WDR48: variants seen among roughly 807,000 people sequenced by gnomAD.
WDR48 encodes the protein WD repeat-containing protein 48.
A neutral mutation model predicts 94.0 loss-of-function variants in WDR48; 22 were observed. That is an observed-to-expected ratio of 0.23 (90% confidence interval 0.17 to 0.33). WDR48 has a LOEUF of 0.33. WDR48 is among the 10% of genes least tolerant of loss of function. WDR48 has a pLI of 1.00. For missense variants in WDR48, 541 were observed against 813.8 expected (o/e 0.66, Z 4.08); for synonymous variants, 278 against 280.5 (o/e 0.99, Z 0.09).
intron 14 of WDR48, chr3:39,087,868 TG>T (rs1437663687): frequency 1.1e-5 from 4 of 379,870 alleles, no homozygotes; most frequent in African/African-American, 8.2e-5. Flanking sequence ...GTTATGTTTT[TG>T]TTCTGAATCT....
chr3:39,093,794 T>G (rs1197968982), intron 17 of WDR48, 80 bp from the exon 18 acceptor site: 6 of 1,322,614 alleles, frequency 4.5e-6, no homozygotes, highest in Non-Finnish European at 4.9e-6. Flanking sequence ...TTAAAATGTT[T>G]GCATCAAAGA....
At chr3:39,053,994 A>G (rs933053698) in intron 1 of WDR48, among the ~76,000 whole-genome samples, 1 of 152,198 alleles carries the variant, frequency 6.6e-6, no homozygotes, top group Non-Finnish European at 1.5e-5. Context: ...ATTATTTCCT[A>G]TGAAGAACTT....
At chr3:39,070,750 G>T (rs553029650) in intron 7 of WDR48, among the ~76,000 whole-genome samples, 2 of 146,352 alleles carry the variant, frequency 1.4e-5, no homozygotes, top group East Asian at 2.0e-4. Context: ...GTGCAGGTTA[G>T]TTACATATGT....
rs181377322 is a variant in WDR48 at position 39,053,241 on chromosome 3, C to G, written c.48+1168C>G. Among the ~76,000 whole-genome samples the G allele has an allele frequency of 1.2e-4, 18 of 152,296 alleles. No homozygotes were observed. The East Asian group carries it at 3.3e-3, about 28-fold the overall frequency. Reference sequence around the variant, plus strand: ...TAACACCTAGGCTTTCTTTATAAAACACAGCATTATATGGAGTTCTGCGGG... The same window carrying G: ...TAACACCTAGGCTTTCTTTATAAAAGACAGCATTATATGGAGTTCTGCGGG... On this transcript the variant is annotated intron_variant, in intron 1 of 18. Coordinates refer to ENST00000302313, the MANE Select transcript of WDR48 (RefSeq NM_020839.4).
At position 39,093,958 on chromosome 3, in the gene WDR48, G is replaced by A; in HGVS notation, c.1830G>A (p.Glu610=). The part of the protein sequence containing the change: ...VYEKIINLDN[E]SQTTSSSNNE... ...AAAAAATTATCAACTTGGATAATGAGTCTCAAACCACTAGCTCTTCTAATA... is the reference window on the plus strand; with the variant it reads ...AAAAAATTATCAACTTGGATAATGAATCTCAAACCACTAGCTCTTCTAATA... Residue 610 remains glutamate, a synonymous_variant, in exon 18 of 19, where the codon GAG becomes GAA. Transcript: ENST00000302313. 6.2e-7 allele frequency: 1 copy of A among 1,614,068 alleles called. No homozygotes were observed. The highest frequency in any genetic ancestry group is 1.1e-5 in the South Asian group (1 of 91,030).
rs766906798 is a variant in WDR48 at position 39,066,570 on chromosome 3, G to A, written c.291G>A (p.Thr97=). Reference sequence around the variant, plus strand: ...TAGTAATATCTGCTTCTTCTGACACGACAGTAAAAGTATGGAATGCACACA... The same window carrying A: ...TAGTAATATCTGCTTCTTCTGACACAACAGTAAAAGTATGGAATGCACACA... ...GKTLISASSD[T]TVKVWNAHKG... is the part of the protein sequence containing the mutation. The change falls in exon 4 of 19, where the codon ACG becomes ACA. Residue 97 remains threonine (T), a synonymous_variant. Transcript: ENST00000302313. The A allele has an allele frequency of 1.6e-5, 26 of 1,613,522 alleles. No homozygotes were observed. The highest frequency in any genetic ancestry group is 6.7e-5 in the Admixed American group (4 of 59,966).
At chr3:39,052,814 C>A (rs1175351060) in intron 1 of WDR48, among the ~76,000 whole-genome samples, 1 of 151,954 alleles carries the variant, frequency 6.6e-6, no homozygotes, top group East Asian at 1.9e-4. Context: ...CTTTTGTTTG[C>A]GGTTACGCTT....
At chr3:39,055,967 G>A (rs2032852974) in intron 1 of WDR48, among the ~76,000 whole-genome samples, 1 of 152,254 alleles carries the variant, frequency 6.6e-6, no homozygotes, top group Admixed American at 6.5e-5. Flanking sequence ...CAGGCAACAA[G>A]TGGGTGCCTA....
chr3:39,091,467 G>C, intron 16 of WDR48, 158 bp from the exon 17 acceptor site: 1 of 542,228 alleles, frequency 1.8e-6, no homozygotes, highest in Non-Finnish European at 3.2e-6. Context: ...TTTCTCGAAG[G>C]CTGACTTAGG....
chr3:39,055,689 C>A (rs2032832760), intron 1 of WDR48, among the ~76,000 whole-genome samples: 8 of 152,182 alleles, frequency 5.3e-5, no homozygotes, highest in Admixed American at 5.2e-4. Context: ...GTAGCATTTT[C>A]TCTGGTAACC....
At chr3:39,052,199 C>A in intron 1 of WDR48, 126 bp downstream of exon 1, 1 of 1,225,398 alleles carries the variant, frequency 8.2e-7, no homozygotes, top group South Asian at 1.4e-5. Context: ...CGGGGCGCGG[C>A]CGGCCACGAG....
chr3:39,054,131 A>G (rs774866462), intron 1 of WDR48, among the ~76,000 whole-genome samples: 3 of 152,208 alleles, frequency 2.0e-5, no homozygotes, highest in Non-Finnish European at 2.9e-5. Flanking sequence ...ATCATTGTCT[A>G]TGAGGTGTTT....
intron 5 of WDR48, 75 bp downstream of exon 5, chr3:39,066,950 T>C (rs2033644069): frequency 1.3e-6 from 2 of 1,529,970 alleles, no homozygotes; most frequent in Non-Finnish European, 1.8e-6. Context: ...TAAAACATTT[T>C]TGATAGGTTT....
chr3:39,071,925 G>T (rs1469134601), intron 7 of WDR48, among the ~76,000 whole-genome samples: 1 of 152,170 alleles, frequency 6.6e-6, no homozygotes, highest in South Asian at 2.1e-4. Context: ...GAAAAATGAG[G>T]TGAGGAAAAA....
In WDR48 at chr3:39,077,231, C is replaced by T. The variant is rs187563097; in HGVS notation, c.972+18C>T. On this transcript the variant is annotated intron_variant, in intron 9 of 18. Transcript: ENST00000302313. ...ATAAATGGGTAAGTGAGCTATTAAC[C>T]TGGCAAAGGTTTATAAACATGTATT... 8.1e-6 allele frequency: 13 copies of T among 1,613,766 alleles called. No homozygotes were observed. The East Asian group carries it at 2.9e-4, about 36-fold the overall frequency.
intron 10 of WDR48, 93 bp downstream of exon 10, chr3:39,078,332 A>C: frequency 2.3e-6 from 2 of 857,608 alleles, no homozygotes; most frequent in Non-Finnish European, 3.8e-6. Context: ...TTCTTTAAAT[A>C]TAATCCTGAT....
In WDR48 at chr3:39,065,182, G is replaced by C. The variant is rs559572748; in HGVS notation, c.190-629G>C. Among the ~76,000 whole-genome samples, 12 of 152,350 alleles carry C rather than the reference G, an allele frequency of 7.9e-5. No homozygotes were observed. The East Asian group carries it at 2.1e-3, about 27-fold the overall frequency. ...CTCTCCTGGTTATTAAGCCAGGTAAGAGAAGTAGAATCTCGAATCACCTAA... is the reference window on the plus strand; with the variant it reads ...CTCTCCTGGTTATTAAGCCAGGTAACAGAAGTAGAATCTCGAATCACCTAA... On this transcript the variant is annotated intron_variant, in intron 2 of 18. Transcript: ENST00000302313.
At chr3:39,083,741 T>C (rs1003332402) in intron 11 of WDR48, among the ~76,000 whole-genome samples, 1 of 152,136 alleles carries the variant, frequency 6.6e-6, no homozygotes, top group African/African-American at 2.4e-5. Context: ...TGTTGCTAAA[T>C]GACATAGGCC....
chr3:39,077,511 C>T (rs1182000585), intron 9 of WDR48, among the ~76,000 whole-genome samples: 1 of 152,214 alleles, frequency 6.6e-6, no homozygotes, highest in Admixed American at 6.5e-5. Flanking sequence ...CTTCTGACCT[C>T]ATGAAGCTAC....
Sources: allele counts gnomAD v4.1 joint callset (sites outside exome capture counted in the v4.1 genomes callset), GRCh38; gene constraint gnomAD v4.1.1; transcripts MANE v1.5; gene names NCBI Gene and HGNC (gene_info 2026-07-23, HGNC 2026-07-21).